PCDHA4: variants seen among roughly 807,000 people sequenced by gnomAD.
PCDHA4 encodes protocadherin alpha-4.
A neutral mutation model predicts 61.4 loss-of-function variants in PCDHA4; 49 were observed. The observed-to-expected ratio is 0.80, with a 90% CI of 0.63 to 1.01. PCDHA4 has a LOEUF of 1.01. Among genes scored for constraint, PCDHA4 ranks in the 50% least tolerant of loss-of-function variants. The probability of loss-of-function intolerance (pLI) is 0.00; values close to 1 mark genes in which losing one functional copy is unlikely to be tolerated. For synonymous variants in PCDHA4, 590 were observed against 550.3 expected, an observed-to-expected ratio of 1.07 and a Z score of -1.01; for missense variants, 1,254 against 1,235.8, an observed-to-expected ratio of 1.01 and a Z score of -0.22.
intron 1 of PCDHA4, chr5:140,863,675 G>T (rs782582155): frequency 1.1e-4 from 31 of 292,406 alleles, no homozygotes; most frequent in South Asian, 4.0e-4. Context: ...TTTTGCTTTT[G>T]CTTTTTCTTT....
intron 3 of PCDHA4, among the ~76,000 whole-genome samples, chr5:140,983,386 A>G (rs1426409765): frequency 2.6e-5 from 4 of 152,216 alleles, no homozygotes. Context: ...TCGCTGTGGC[A>G]GTTTTCAGAA....
At chr5:140,913,166 GTTC>G (rs1273182839) in intron 1 of PCDHA4, among the ~76,000 whole-genome samples, 1 of 152,160 alleles carries the variant, frequency 6.6e-6, no homozygotes, top group Non-Finnish European at 1.5e-5. Flanking sequence ...ATTGGTATTA[GTTC>G]TTCTTTAAAT....
intron 1 of PCDHA4, chr5:140,811,529 T>G (rs1554125761): frequency 6.6e-6 from 1 of 152,210 alleles, no homozygotes; most frequent in African/African-American, 2.4e-5. Context: ...TACCCAGTAA[T>G]GGGTCAAATG....
At chr5:140,873,260 G>A (rs1252265709) in intron 1 of PCDHA4, among the ~76,000 whole-genome samples, 2 of 152,146 alleles carry the variant, frequency 1.3e-5, no homozygotes, top group Non-Finnish European at 2.9e-5. Context: ...AGACTCAAAA[G>A]TGATTAAACC....
At chr5:140,843,537 T>C (rs2150362232) in intron 1 of PCDHA4, 5 of 1,595,784 alleles carry the variant, frequency 3.1e-6, no homozygotes, top group Non-Finnish European at 4.3e-6. Flanking sequence ...AAGCCCACTC[T>C]GGTGTGCTCC....
At chr5:140,830,250 C>G (rs2150183440) in intron 1 of PCDHA4, 3 of 1,613,904 alleles carry the variant, frequency 1.9e-6, no homozygotes, top group Admixed American at 1.7e-5. Flanking sequence ...CTGTACACAG[C>G]GCTGCGGTGC....
At chr5:140,991,691 A>G (rs2153897191) in intron 3 of PCDHA4, among the ~76,000 whole-genome samples, 1 of 152,286 alleles carries the variant, frequency 6.6e-6, no homozygotes, top group Middle Eastern at 3.4e-3. Flanking sequence ...TCTCTAGTAG[A>G]GCCATTAATA....
intron 1 of PCDHA4, chr5:140,814,733 T>C (rs1765577214): frequency 6.6e-6 from 1 of 152,206 alleles, no homozygotes; most frequent in African/African-American, 2.4e-5. Flanking sequence ...TTCAGCTCCA[T>C]TATAATCTTA....
rs782468691 is a variant in PCDHA4 at position 140,962,448 on chromosome 5, A to C, written c.2386-16501A>C. Reference sequence around the variant, plus strand: ...TGTTACTTATCCAAAGATGGCTTGAATCTCTTATGGCTTGAATCTCTTTGT... The same window carrying C: ...TGTTACTTATCCAAAGATGGCTTGACTCTCTTATGGCTTGAATCTCTTTGT... On this transcript the variant is annotated intron_variant, in intron 1 of 3. Coordinates refer to ENST00000530339, the MANE Select transcript of PCDHA4 (RefSeq NM_018907.4). Among the ~76,000 whole-genome samples the C allele has an allele frequency of 4.7e-4, 72 of 152,232 alleles. 1 individual carries two copies. The highest frequency in any genetic ancestry group is 6.8e-3 in the Middle Eastern group (2 of 294).
At chr5:140,968,808 TGGATAGGG>T (rs782488281) in intron 1 of PCDHA4, 2 of 1,614,204 alleles carry the variant, frequency 1.2e-6, no homozygotes, top group Non-Finnish European at 1.7e-6. Context: ...GTAGCTGTGG[TGGATAGGG>T]TTTCCAAAAT....
intron 1 of PCDHA4, among the ~76,000 whole-genome samples, chr5:140,880,422 C>T (rs782802267): frequency 6.6e-6 from 1 of 152,252 alleles, no homozygotes; most frequent in Non-Finnish European, 1.5e-5. Flanking sequence ...AAAGCGGGAA[C>T]AGTTTTTCCT....
At chr5:140,929,330 G>A (rs2086062257) in intron 1 of PCDHA4, 1 of 1,535,218 alleles carries the variant, frequency 6.5e-7, no homozygotes, top group Non-Finnish European at 8.8e-7. Flanking sequence ...GCCATGGTAA[G>A]CAAATTTTAT....
chr5:140,989,696 T>G (rs1554251011), intron 3 of PCDHA4, among the ~76,000 whole-genome samples: 1 of 152,216 alleles, frequency 6.6e-6, no homozygotes, highest in African/African-American at 2.4e-5. Flanking sequence ...CGTGAAAATT[T>G]TATCTTCAGA....
At chr5:141,004,823 TTAGA>T (rs1175791432) in intron 3 of PCDHA4, among the ~76,000 whole-genome samples, 26 of 152,314 alleles carry the variant, frequency 1.7e-4, no homozygotes, top group African/African-American at 5.8e-4. Context: ...TTTGATTAAC[TTAGA>T]TAGATCAAAG....
chr5:140,847,761 T>G (rs1279113142), intron 1 of PCDHA4: 1 of 149,846 alleles, frequency 6.7e-6, no homozygotes, highest in Non-Finnish European at 1.5e-5. Context: ...CACAAGACCT[T>G]AAAGTCAATT....
intron 1 of PCDHA4, among the ~76,000 whole-genome samples, chr5:140,844,781 G>A (rs1779544851): frequency 6.7e-6 from 1 of 149,070 alleles, no homozygotes; most frequent in African/African-American, 2.5e-5. Context: ...CTTTATTTTG[G>A]TATCTTTCAA....
At chr5:140,822,551 T>A (rs2150117255) in intron 1 of PCDHA4, 1 of 1,613,796 alleles carries the variant, frequency 6.2e-7, no homozygotes, top group Non-Finnish European at 8.5e-7. Context: ...AGTGGGACAT[T>A]AGTTATTAAA....
chr5:140,820,690 A>G (rs2150107620), intron 1 of PCDHA4, among the ~76,000 whole-genome samples: 111 of 152,212 alleles, frequency 7.3e-4, no homozygotes, highest in Admixed American at 2.2e-3. Context: ...TAATAAAATG[A>G]TATTCTTTTC....
At position 140,809,586 on chromosome 5, in the gene PCDHA4, A is replaced by T; in HGVS notation, c.2385+14A>T. Reference sequence around the variant, plus strand: ...TCCTTTGCAAAGGTTAGTGTATAACATCCTTTTGTTTAATTTTCGTATTGT... The same window carrying T: ...TCCTTTGCAAAGGTTAGTGTATAACTTCCTTTTGTTTAATTTTCGTATTGT... On this transcript the variant is annotated intron_variant, in intron 1 of 3. Coordinates refer to ENST00000530339, the MANE Select transcript of PCDHA4 (RefSeq NM_018907.4). The T allele has an allele frequency of 1.3e-6, 2 of 1,544,518 alleles. No individual in the cohort carries two copies. The highest frequency in any genetic ancestry group is 2.8e-5 in the African/African-American group (2 of 72,350).
Sources: gnomAD v4.1 joint callset for allele counts (sites outside exome capture counted in the v4.1 genomes callset) on GRCh38, gnomAD v4.1.1 for gene constraint, MANE v1.5 for transcripts, NCBI Gene and HGNC (gene_info 2026-07-23, HGNC 2026-07-21) for gene names.